Variants in MGA observed in about 807,000 individuals in gnomAD.
MGA encodes MAX dimerization protein MGA, also known as MAX gene-associated protein.
In MGA, 40 loss-of-function variants were observed where a neutral mutation model predicts 261.1. That is an observed-to-expected ratio of 0.15 (90% CI 0.12 to 0.20). The LOEUF (loss-of-function observed/expected upper bound fraction) is 0.20. Ranked by LOEUF, MGA falls within the 10% of genes least tolerant of loss-of-function variation. The pLI is 1.00. For missense variants in MGA, 3,397 were observed against 3,630.5 expected, an observed-to-expected ratio of 0.94 and a Z score of 1.65; for synonymous variants, 1,302 against 1,290.6, an observed-to-expected ratio of 1.01 and a Z score of -0.19.
upstream of MGA, among the ~76,000 whole-genome samples, chr15:41,655,774 T>C (rs575901612): frequency 8.5e-5 from 13 of 152,136 alleles, no homozygotes; most frequent in Non-Finnish European, 1.5e-4. Flanking sequence ...GGGATAAGAG[T>C]CACTGGGTGC....
intron 20 of MGA, 59 bp downstream of exon 20, chr15:41,760,588 T>C (rs958350112): frequency 1.2e-5 from 19 of 1,538,522 alleles, no homozygotes; most frequent in African/African-American, 2.7e-5. Flanking sequence ...ACCGATGATA[T>C]GAGAAAGATA....
chr15:41,625,550 C>G (rs1300366733), intron 1 of MGA, among the ~76,000 whole-genome samples: 1 of 150,884 alleles, frequency 6.6e-6, no homozygotes, highest in African/African-American at 2.4e-5. Flanking sequence ...CTTGTCTCTA[C>G]GAGAAATACA....
At chr15:41,699,243 C>A (rs1388681180) in intron 5 of MGA, 84 bp downstream of exon 5, 2 of 901,916 alleles carry the variant, frequency 2.2e-6, no homozygotes, top group Non-Finnish European at 3.3e-6. Flanking sequence ...CTCTCTTTCT[C>A]ATCTCTTTTT....
intron 2 of MGA, among the ~76,000 whole-genome samples, chr15:41,673,249 G>T (rs1214831724): frequency 6.6e-6 from 1 of 150,984 alleles, no homozygotes; most frequent in African/African-American, 2.4e-5. Flanking sequence ...ACAGAGTCTT[G>T]CCCTGTTGCC....
chr15:41,656,443 A>G (rs917135558), upstream of MGA, among the ~76,000 whole-genome samples: 4 of 148,458 alleles, frequency 2.7e-5, no homozygotes, highest in African/African-American at 9.8e-5. Context: ...CTGGGCTTAA[A>G]CAGTCCTCCC....
chr15:41,664,670 G>T (rs1446269725), intron 1 of MGA, among the ~76,000 whole-genome samples: 1 of 152,048 alleles, frequency 6.6e-6, no homozygotes, highest in Non-Finnish European at 1.5e-5. Flanking sequence ...TTGGTGATTT[G>T]TAATAAAACC....
chr15:41,713,221 G>A lies in MGA; in HGVS notation c.3155G>A (p.Cys1052Tyr). The A allele has an allele frequency of 6.2e-7, 1 of 1,614,028 alleles. No individual in the cohort carries two copies. The highest frequency in any genetic ancestry group is 8.5e-7 in the Non-Finnish European group (1 of 1,179,904). ...GCCCCTCCCTGCAACAATGACTTCT[G>A]TCGACTGGGTTGTGTATGTTCCAGT... Residue 1052 changes from cysteine to tyrosine, a missense_variant, in exon 9 of 24, where the codon TGT becomes TAT. Physicochemically the swap from Cys to Tyr is radical, Grantham distance 194. Coordinates refer to ENST00000219905, the MANE Select transcript of MGA (RefSeq NM_001164273.2).
intron 9 of MGA, chr15:41,718,347 ATTTAG>A (rs2151569189): frequency 2.4e-6 from 1 of 412,210 alleles, no homozygotes; most frequent in Non-Finnish European, 4.2e-6. Context: ...GTATAGTATT[ATTTAG>A]TTAGGTTCTT....
chr15:41,734,507 T>TA lies in MGA; in HGVS notation c.3844-14dup. On this transcript the variant is annotated splice_polypyrimidine_tract_variant and intron_variant, in intron 11 of 23. Transcript: ENST00000219905. The stretch of plus-strand genomic sequence containing the variant: ...ATGTTAAGTTAAAGTATTTCTGTGT[T>TA]ACTGTCTCCTTCAGGAACCTGATTC... The TA allele has an allele frequency of 6.3e-7, 1 of 1,594,928 alleles. No homozygotes were observed. Among genetic ancestry groups the TA allele is most frequent in the Non-Finnish European group, 8.6e-7 (1 of 1,166,626 alleles).
chr15:41,694,532 CT>C (rs145618716), intron 2 of MGA, among the ~76,000 whole-genome samples: 84,818 of 143,700 alleles, frequency 0.59, 25,735 homozygotes, highest in Middle Eastern at 0.73. Context: ...GGCTTTTTTT[CT>C]TTTTTTTTTT....
At chr15:41,695,705 A>G (rs2059521792) in intron 2 of MGA, among the ~76,000 whole-genome samples, 1 of 152,208 alleles carries the variant, frequency 6.6e-6, no homozygotes, top group Non-Finnish European at 1.5e-5. Flanking sequence ...TTCAATTTTA[A>G]AGTTGGAAAA....
chr15:41,684,316 T>G (rs2151133770), intron 2 of MGA: 2 of 433,784 alleles, frequency 4.6e-6, no homozygotes, highest in African/African-American at 4.1e-5. Flanking sequence ...TAGTGTTATT[T>G]GTTGCATTGA....
chr15:41,741,917 G>A (rs1436727699), intron 14 of MGA, among the ~76,000 whole-genome samples: 1 of 151,532 alleles, frequency 6.6e-6, no homozygotes, highest in African/African-American at 2.4e-5. Flanking sequence ...TCACCGTGTT[G>A]GCCAGGCTGG....
chr15:41,757,975 GT>G (rs377020008), intron 19 of MGA, 136 bp downstream of exon 19: 2 of 636,302 alleles, frequency 3.1e-6, no homozygotes, highest in Non-Finnish European at 5.5e-6. Context: ...AATATAATCA[GT>G]TTTTTCTCCT....
intron 12 of MGA, 128 bp from the exon 13 acceptor site, chr15:41,736,053 A>G (rs933348040): frequency 1.4e-5 from 12 of 839,202 alleles, no homozygotes; most frequent in East Asian, 2.8e-5. Flanking sequence ...GTGAAAGTTG[A>G]TACATTTTAA....
intron 19 of MGA, among the ~76,000 whole-genome samples, chr15:41,759,792 T>G (rs905680231): frequency 2.0e-5 from 3 of 152,074 alleles, no homozygotes; most frequent in South Asian, 2.1e-4. Context: ...AGAGGTGGGA[T>G]AAGTAATCTA....
chr15:41,680,791 A>G (rs2058627927), intron 2 of MGA, among the ~76,000 whole-genome samples: 1 of 152,162 alleles, frequency 6.6e-6, no homozygotes, highest in Admixed American at 6.5e-5. Context: ...AGCTTTATTA[A>G]GCTTTGGTAT....
In MGA at chr15:41,766,266, A is replaced by T; in HGVS notation, c.8184A>T (p.Pro2728=). 6.2e-7 allele frequency: 1 copy of T among 1,614,022 alleles called. No homozygotes were observed. The highest frequency in any genetic ancestry group is 8.5e-7 in the Non-Finnish European group (1 of 1,179,884). Residue 2728 remains proline, a synonymous_variant, in exon 24 of 24, where the codon CCA becomes CCT. Transcript: ENST00000219905. Reference sequence around the variant, plus strand: ...TGGCAAACAAAGATTCTGGTTATCCACAAATAGTTGACGTTTCCAATATGC... The same window carrying T: ...TGGCAAACAAAGATTCTGGTTATCCTCAAATAGTTGACGTTTCCAATATGC...
intron 11 of MGA, among the ~76,000 whole-genome samples, chr15:41,732,882 T>C (rs969958529): frequency 3.3e-5 from 5 of 152,196 alleles, no homozygotes; most frequent in Non-Finnish European, 7.3e-5. Flanking sequence ...CCATTCAGAC[T>C]CCTTTCCTAG....
Sources: allele counts gnomAD v4.1 joint callset (sites outside exome capture counted in the v4.1 genomes callset), GRCh38; gene constraint gnomAD v4.1.1; transcripts MANE v1.5; gene names NCBI Gene and HGNC (gene_info 2026-07-23, HGNC 2026-07-21).